The following PXDNL variants were observed in gnomAD, a reference collection of about 807,000 sequenced individuals.
PXDNL encodes peroxidasin like, also known as probable oxidoreductase PXDNL.
In PXDNL, 145 loss-of-function variants were observed where a neutral mutation model predicts 150.8. That is an observed-to-expected ratio of 0.96 (90% CI 0.84 to 1.10). The LOEUF (loss-of-function observed/expected upper bound fraction) is 1.10, where lower values mean the gene tolerates loss of function less well. Ranked by LOEUF, PXDNL falls within the 50% of genes least tolerant of loss-of-function variation. The probability of loss-of-function intolerance (pLI) is 0.00; values close to 1 mark genes in which losing one functional copy is unlikely to be tolerated. For synonymous variants in PXDNL, 757 were observed against 725.7 expected, an observed-to-expected ratio of 1.04 and a Z score of -0.69; for missense variants, 2,087 against 1,873.9, an observed-to-expected ratio of 1.11 and a Z score of -2.10.
chr8:51,592,587 A>C, intron 3 of PXDNL, 40 bp downstream of exon 3: 2 of 1,340,468 alleles, frequency 1.5e-6, no homozygotes, highest in Non-Finnish European at 2.1e-6. Flanking sequence ...AAATAGTCAA[A>C]CAACACCATA....
chr8:51,472,123 T>C, intron 8 of PXDNL, 64 bp downstream of exon 8: 1 of 1,072,114 alleles, frequency 9.3e-7, no homozygotes, highest in East Asian at 2.4e-5. Context: ...GGAGTTAAAT[T>C]GAGTTAAAAA....
intron 12 of PXDNL, among the ~76,000 whole-genome samples, chr8:51,441,184 C>G (rs868659655): frequency 1.3e-5 from 2 of 152,186 alleles, no homozygotes; most frequent in Admixed American, 6.5e-5. Flanking sequence ...CTCATTCTCT[C>G]TCCTGCCACC....
At chr8:51,382,610 T>G (rs1807582293) in intron 17 of PXDNL, among the ~76,000 whole-genome samples, 1 of 152,166 alleles carries the variant, frequency 6.6e-6, no homozygotes, top group Non-Finnish European at 1.5e-5. Flanking sequence ...AGGCTTGATT[T>G]TGTACAGCAG....
At chr8:51,342,171 T>G (rs1806005612) in intron 20 of PXDNL, among the ~76,000 whole-genome samples, 1 of 151,556 alleles carries the variant, frequency 6.6e-6, no homozygotes, top group Non-Finnish European at 1.5e-5. Flanking sequence ...TAAAGTAAAA[T>G]AAAATATATA....
chr8:51,501,400 TCA>T (rs1338030815), intron 4 of PXDNL, among the ~76,000 whole-genome samples: 2 of 150,914 alleles, frequency 1.3e-5, no homozygotes, highest in Non-Finnish European at 2.9e-5. Context: ...GAACACACTC[TCA>T]CATGCTCAGA....
chr8:51,586,553 C>T (rs1478791894), intron 3 of PXDNL, among the ~76,000 whole-genome samples: 2 of 152,152 alleles, frequency 1.3e-5, no homozygotes, highest in African/African-American at 4.8e-5. Flanking sequence ...GATTTCAGAC[C>T]TGGTGAGAGT....
chr8:51,727,379 G>T (rs1816834888), intron 1 of PXDNL, among the ~76,000 whole-genome samples: 1 of 152,150 alleles, frequency 6.6e-6, no homozygotes, highest in African/African-American at 2.4e-5. Context: ...AAACATCTGT[G>T]CCATAACCAA....
intron 19 of PXDNL, among the ~76,000 whole-genome samples, chr8:51,348,637 T>TATAC (rs1189402854): frequency 6.6e-6 from 1 of 152,202 alleles, no homozygotes; most frequent in East Asian, 1.9e-4. Context: ...TATATAAATA[T>TATAC]ATACATATGC....
chr8:51,761,025 A>ATTTTTTTTTTTTTTT (rs71237238), intron 1 of PXDNL, among the ~76,000 whole-genome samples: 16 of 114,458 alleles, frequency 1.4e-4, no homozygotes, highest in Non-Finnish European at 2.3e-4. Context: ...CGCCCGGCTA[A>ATTTTTTTTTTTTTTT]TTTTTTTTTT....
intron 1 of PXDNL, among the ~76,000 whole-genome samples, chr8:51,763,626 G>A (rs558166846): frequency 1.3e-5 from 2 of 151,872 alleles, no homozygotes; most frequent in African/African-American, 4.8e-5. Context: ...CCTTTCTTTC[G>A]TTCCCGCTCT....
chr8:51,699,503 T>C (rs1816207088), intron 1 of PXDNL, among the ~76,000 whole-genome samples: 1 of 152,212 alleles, frequency 6.6e-6, no homozygotes, highest in African/African-American at 2.4e-5. Flanking sequence ...TTTCTGCAAC[T>C]TTCTTCATAT....
intron 12 of PXDNL, among the ~76,000 whole-genome samples, chr8:51,429,050 A>G (rs1315986416): frequency 2.3e-5 from 1 of 44,284 alleles, no homozygotes; most frequent in Non-Finnish European, 7.0e-5. Flanking sequence ...TGTAGAGGAT[A>G]TACAGATGGC....
At chr8:51,384,665 A>C (rs1044383586) in intron 17 of PXDNL, among the ~76,000 whole-genome samples, 2 of 152,148 alleles carry the variant, frequency 1.3e-5, no homozygotes, top group Non-Finnish European at 2.9e-5. Context: ...AAAATAACTC[A>C]AGCGACTTTT....
At chr8:51,669,499 T>C (rs2130826470) in intron 1 of PXDNL, among the ~76,000 whole-genome samples, 1 of 152,308 alleles carries the variant, frequency 6.6e-6, no homozygotes, top group East Asian at 1.9e-4. Flanking sequence ...TCCCAGCCAA[T>C]TTGTAATTTA....
At chr8:51,541,757 A>G (rs1431181301) in intron 4 of PXDNL, among the ~76,000 whole-genome samples, 1 of 152,118 alleles carries the variant, frequency 6.6e-6, no homozygotes, top group East Asian at 1.9e-4. Context: ...GTACTTCAGC[A>G]TGGAAACCAC....
intron 1 of PXDNL, among the ~76,000 whole-genome samples, chr8:51,790,003 G>C (rs1340137422): frequency 1.3e-5 from 2 of 151,996 alleles, no homozygotes; most frequent in Non-Finnish European, 2.9e-5. Flanking sequence ...GATGTAACAA[G>C]ACTTACAGTG....
At chr8:51,456,063 T>C (rs1809931515) in intron 9 of PXDNL, among the ~76,000 whole-genome samples, 1 of 152,254 alleles carries the variant, frequency 6.6e-6, no homozygotes, top group African/African-American at 2.4e-5. Context: ...TCTTCTGCCC[T>C]GTGGCAATTG....
chr8:51,398,571 T>C (rs1476544393), intron 17 of PXDNL, among the ~76,000 whole-genome samples: 2 of 152,200 alleles, frequency 1.3e-5, no homozygotes, highest in African/African-American at 4.8e-5. Flanking sequence ...TCAACAGAGC[T>C]GAAAACCAAG....
intron 2 of PXDNL, among the ~76,000 whole-genome samples, chr8:51,627,876 G>A (rs1008225951): frequency 6.6e-6 from 1 of 152,138 alleles, no homozygotes; most frequent in African/African-American, 2.4e-5. Context: ...ATTCGAACCT[G>A]TCTGGGGCCT....
Sources: allele counts gnomAD v4.1 joint callset (sites outside exome capture counted in the v4.1 genomes callset), GRCh38; gene constraint gnomAD v4.1.1; transcripts MANE v1.5; gene names NCBI Gene and HGNC (gene_info 2026-07-23, HGNC 2026-07-21).